CACHD1: variants seen among roughly 807,000 people sequenced by gnomAD.
CACHD1 encodes the protein VWFA and cache domain-containing protein 1.
CACHD1 carries 71 observed loss-of-function variants against 138.7 expected under a neutral mutation model. The observed-to-expected ratio is 0.51, with a 90% CI of 0.42 to 0.62. CACHD1 has a LOEUF of 0.62. Among genes scored for constraint, CACHD1 ranks in the 20% least tolerant of loss-of-function variants. The probability of loss-of-function intolerance (pLI) is 0.00; values close to 1 mark genes in which losing one functional copy is unlikely to be tolerated. For missense variants in CACHD1, 1,389 were observed against 1,625.3 expected (o/e 0.85, Z 2.50); for synonymous variants, 578 against 591.5 (o/e 0.98, Z 0.33).
At chr1:64,626,580 T>C (rs1557526058) in intron 4 of CACHD1, among the ~76,000 whole-genome samples, 1 of 152,346 alleles carries the variant, frequency 6.6e-6, no homozygotes, top group East Asian at 1.9e-4. Flanking sequence ...TGGCTTCCTG[T>C]CTTGCTAATT....
At chr1:64,547,821 A>G (rs910428946) in intron 1 of CACHD1, among the ~76,000 whole-genome samples, 1 of 110,214 alleles carries the variant, frequency 9.1e-6, no homozygotes, top group Non-Finnish European at 1.6e-5. Flanking sequence ...GAGAAGGGGT[A>G]AAAAAAATGT....
At chr1:64,594,674 C>G (rs1205488267) in intron 3 of CACHD1, among the ~76,000 whole-genome samples, 4 of 152,236 alleles carry the variant, frequency 2.6e-5, no homozygotes, top group Non-Finnish European at 2.9e-5. Flanking sequence ...ACTGCTTACG[C>G]TATTGAATTT....
In CACHD1 at chr1:64,679,851, C is replaced by T. The variant is rs998164097; in HGVS notation, c.3406+95C>T. 2.9e-5 allele frequency: 40 copies of T among 1,369,180 alleles called. No homozygotes were observed. In the African/African-American group the frequency reaches 4.5e-4, roughly 15 times the overall value. 84.8% of individuals were successfully genotyped at this position (1,369,180 alleles called of 1,614,324 possible). On this transcript the variant is annotated intron_variant, in intron 24 of 26. Coordinates refer to ENST00000651257, the MANE Select transcript of CACHD1 (RefSeq NM_020925.4). ...CCTCTAAGGAACTGTCAGAACAGTGCTATACTTTCAGCTTCTGTGGAGTCA... is the reference window on the plus strand; with the variant it reads ...CCTCTAAGGAACTGTCAGAACAGTGTTATACTTTCAGCTTCTGTGGAGTCA...
intron 1 of CACHD1, among the ~76,000 whole-genome samples, chr1:64,514,401 T>C (rs1351837221): frequency 2.0e-5 from 3 of 152,246 alleles, no homozygotes; most frequent in African/African-American, 7.2e-5. Flanking sequence ...TCCATATGGC[T>C]ATCTAGTTAA....
intron 1 of CACHD1, among the ~76,000 whole-genome samples, chr1:64,476,787 C>G (rs1226636093): frequency 6.6e-6 from 1 of 152,146 alleles, no homozygotes; most frequent in Non-Finnish European, 1.5e-5. Flanking sequence ...GTACTTGAGT[C>G]TGGAAGGGCT....
At chr1:64,576,903 G>GTTT (rs201315669) in intron 2 of CACHD1, among the ~76,000 whole-genome samples, 1 of 147,856 alleles carries the variant, frequency 6.8e-6, no homozygotes, top group Non-Finnish European at 1.5e-5. Context: ...GGGTTTGTTT[G>GTTT]TTTGTTTTTT....
rs79479658 is a variant in CACHD1 at position 64,643,952 on chromosome 1, C to T, written c.1156+1983C>T. ...TCCAGGGCCAGATCTCTGTCCAGTC[C>T]TCTTTGTCCCCTGGCACTTTCTGCC... On this transcript the variant is annotated intron_variant, in intron 8 of 26. Transcript: ENST00000651257. 3.6e-3 allele frequency among the ~76,000 whole-genome samples: 545 copies of T among 152,370 alleles called. 1 individual carries two copies. Among genetic ancestry groups the T allele is most frequent in the African/African-American group, 0.013 (532 of 41,588 alleles).
intron 13 of CACHD1, among the ~76,000 whole-genome samples, chr1:64,661,704 A>C (rs1002344580): frequency 6.6e-6 from 1 of 152,108 alleles, no homozygotes; most frequent in African/African-American, 2.4e-5. Flanking sequence ...GAATATATAC[A>C]TGAATCCACA....
chr1:64,543,967 G>A (rs1013909095), intron 1 of CACHD1, among the ~76,000 whole-genome samples: 3 of 139,876 alleles, frequency 2.1e-5, no homozygotes, highest in African/African-American at 7.8e-5. Flanking sequence ...TTACAGGCAT[G>A]AGTCACCACA....
intron 19 of CACHD1, 60 bp downstream of exon 19, chr1:64,673,524 G>C: frequency 7.7e-7 from 1 of 1,294,462 alleles, no homozygotes; most frequent in Non-Finnish European, 1.1e-6. Flanking sequence ...AACATGAATT[G>C]GAATCATGGC....
At chr1:64,537,951 C>A (rs1404911499) in intron 1 of CACHD1, among the ~76,000 whole-genome samples, 1 of 151,976 alleles carries the variant, frequency 6.6e-6, no homozygotes, top group African/African-American at 2.4e-5. Flanking sequence ...ACCCTAAAAA[C>A]TTAAGAAAAT....
chr1:64,657,044 T>C (rs1649283953), intron 12 of CACHD1, among the ~76,000 whole-genome samples: 1 of 152,194 alleles, frequency 6.6e-6, no homozygotes, highest in Non-Finnish European at 1.5e-5. Flanking sequence ...AGAGATTATG[T>C]TAGCAGCATT....
At chr1:64,679,474 A>C (rs1369935240) in intron 23 of CACHD1, 121 bp from the exon 24 acceptor site, 1 of 1,051,702 alleles carries the variant, frequency 9.5e-7, no homozygotes, top group Non-Finnish European at 1.4e-6. Context: ...AGCCTAACTA[A>C]GCATCTGTTT....
At chr1:64,649,995 G>A (rs1004123444) in intron 9 of CACHD1, among the ~76,000 whole-genome samples, 1 of 152,152 alleles carries the variant, frequency 6.6e-6, no homozygotes, top group African/African-American at 2.4e-5. Flanking sequence ...ATGTTTATGT[G>A]GCTCTAATTC....
intron 3 of CACHD1, among the ~76,000 whole-genome samples, chr1:64,594,446 A>G (rs199675306): frequency 6.6e-6 from 1 of 152,168 alleles, no homozygotes; most frequent in Non-Finnish European, 1.5e-5. Context: ...TGAGGTAACT[A>G]GATGACCCTC....
At chr1:64,511,793 G>A (rs1439534106) in intron 1 of CACHD1, among the ~76,000 whole-genome samples, 3 of 152,184 alleles carry the variant, frequency 2.0e-5, no homozygotes, top group African/African-American at 7.2e-5. Flanking sequence ...ATGAACCCCA[G>A]CTCTAGAATA....
intron 1 of CACHD1, among the ~76,000 whole-genome samples, chr1:64,510,900 G>T (rs907576233): frequency 1.3e-5 from 2 of 152,178 alleles, no homozygotes; most frequent in South Asian, 4.1e-4. Flanking sequence ...ATTCCTGGAG[G>T]TTGTAATGAG....
intron 2 of CACHD1, among the ~76,000 whole-genome samples, chr1:64,562,847 A>G (rs920405587): frequency 6.6e-6 from 1 of 152,182 alleles, no homozygotes; most frequent in Non-Finnish European, 1.5e-5. Flanking sequence ...TCATTTTAAC[A>G]TCTAAAAATG....
At chr1:64,676,763 T>C (rs1393756862) in intron 21 of CACHD1, 132 bp from the exon 22 acceptor site, 16 of 673,204 alleles carry the variant, frequency 2.4e-5, no homozygotes, top group South Asian at 1.8e-5. Flanking sequence ...AAGTGATTGA[T>C]ACAAGGTTAC....
Sources: gnomAD v4.1 joint callset for allele counts (sites outside exome capture counted in the v4.1 genomes callset) on GRCh38, gnomAD v4.1.1 for gene constraint, MANE v1.5 for transcripts, NCBI Gene and HGNC (gene_info 2026-07-23, HGNC 2026-07-21) for gene names.